The following ATP9B variants were observed in gnomAD, a reference collection of about 807,000 sequenced individuals.
ATP9B encodes the protein probable phospholipid-transporting ATPase IIB.
In ATP9B, 110 loss-of-function variants were observed where a neutral mutation model predicts 146.1. The ratio of observed to expected loss-of-function variants is 0.75; its 90% confidence interval spans 0.65 to 0.88. The LOEUF is 0.88. Ranked by LOEUF, ATP9B falls within the 40% of genes least tolerant of loss-of-function variation. ATP9B has a pLI of 0.00. For synonymous variants in ATP9B, 604 were observed against 569.7 expected (o/e 1.06, Z -0.86); for missense variants, 1,499 against 1,496.4 (o/e 1.00, Z -0.03).
chr18:79,356,438 T>C (rs2096953653), intron 25 of ATP9B, among the ~76,000 whole-genome samples: 1 of 152,206 alleles, frequency 6.6e-6, no homozygotes, highest in Non-Finnish European at 1.5e-5. Flanking sequence ...GTGCAGTGAA[T>C]ATTTACAGCA....
intron 1 of ATP9B, among the ~76,000 whole-genome samples, chr18:79,070,163 GC>G (rs2093308545): frequency 6.6e-6 from 1 of 152,166 alleles, no homozygotes; most frequent in African/African-American, 2.4e-5. Context: ...ATTGCATTTA[GC>G]TCATATTTAA....
In ATP9B at chr18:79,329,200, C is replaced by G. The variant is rs1206522931; in HGVS notation, c.1833C>G (p.Thr611=). 1 of 1,612,264 alleles carries G rather than the reference C, an allele frequency of 6.2e-7. No individual in the cohort carries two copies. Among genetic ancestry groups the G allele is most frequent in the Non-Finnish European group, 8.5e-7 (1 of 1,179,754 alleles). Residue 611 remains threonine, a synonymous_variant, in exon 16 of 30, where the codon ACC becomes ACG. Transcript: ENST00000426216. ...VGLTLVSRDL[T]SMQLKTPSGQ... The stretch of plus-strand genomic sequence containing the variant: ...TCACGCTGGTCAGCAGGGACCTCAC[C>G]TCCATGCAGCTGAAGACCCCCAGTG...
At chr18:79,279,472 G>C (rs947465088) in intron 13 of ATP9B, among the ~76,000 whole-genome samples, 1 of 152,166 alleles carries the variant, frequency 6.6e-6, no homozygotes, top group Admixed American at 6.5e-5. Flanking sequence ...CAACCGTACT[G>C]TTCCCAAAGA....
At chr18:79,124,836 TGGA>T (rs2147171975) in intron 4 of ATP9B, among the ~76,000 whole-genome samples, 1 of 152,154 alleles carries the variant, frequency 6.6e-6, no homozygotes, top group African/African-American at 2.4e-5. Flanking sequence ...AGTTAGCAGT[TGGA>T]GGAAGGAGCC....
chr18:79,312,273 A>G lies in ATP9B; in HGVS notation c.1773+5039A>G, dbSNP rs548938813. On this transcript the variant is annotated intron_variant, in intron 15 of 29. Transcript: ENST00000426216. The stretch of plus-strand genomic sequence containing the variant: ...TTCTATGGACTGGCATAAACGGATC[A>G]TTTACTTTTTCCTAAATGCAGTTAT... 3.2e-4 allele frequency among the ~76,000 whole-genome samples: 49 copies of G among 152,312 alleles called. No homozygotes were observed. In the South Asian group the frequency reaches 9.9e-3, roughly 31 times the overall value.
chr18:79,189,081 G>T (rs964900919), intron 8 of ATP9B, among the ~76,000 whole-genome samples: 3 of 152,048 alleles, frequency 2.0e-5, no homozygotes, highest in Admixed American at 1.3e-4. Context: ...AGGCACGGTG[G>T]ATCACGCCTG....
In ATP9B at chr18:79,377,719, A is replaced by G. The variant is rs1357382519; in HGVS notation, c.*336A>G. 1.4e-5 allele frequency: 4 copies of G among 282,302 alleles called. No homozygotes were observed. The highest frequency in any genetic ancestry group is 2.7e-5 in the Non-Finnish European group (4 of 146,262). The allele number at this position is 282,302 out of a possible 1,614,324, so 17.5% of individuals were successfully genotyped here. A position where few individuals can be genotyped will look rare whatever the true frequency, so the allele number is the denominator to read the frequency against. On this transcript the variant is annotated 3_prime_UTR_variant, in exon 30 of 30. Transcript: ENST00000426216. ...GACGTCACCCCTGCCAGGCAAGCCC[A>G]GGGCACAGAGGCCGGGACGGCCTCT...
intron 17 of ATP9B, among the ~76,000 whole-genome samples, chr18:79,334,649 C>G (rs1420348729): frequency 6.6e-6 from 1 of 152,154 alleles, no homozygotes; most frequent in African/African-American, 2.4e-5. Context: ...CACCCTCCAC[C>G]CCTGCCTCTT....
chr18:79,158,049 T>C (rs932638633), intron 7 of ATP9B, among the ~76,000 whole-genome samples: 17 of 152,146 alleles, frequency 1.1e-4, no homozygotes, highest in Non-Finnish European at 2.2e-4. Flanking sequence ...CTTCCACTTA[T>C]TTTCTGTTCA....
intron 19 of ATP9B, among the ~76,000 whole-genome samples, chr18:79,339,544 AGATCGCAGTAGGAAGTGTCAT>A (rs1213904387): frequency 2.5e-4 from 37 of 150,980 alleles, no homozygotes; most frequent in Middle Eastern, 3.3e-3. Context: ...ATCATATCTG[AGATCGCAGTAGGAAGTGTCAT>A]GATCGCAGTA....
chr18:79,211,843 A>G (rs932996735), intron 10 of ATP9B, among the ~76,000 whole-genome samples: 3 of 152,128 alleles, frequency 2.0e-5, no homozygotes, highest in African/African-American at 4.8e-5. Flanking sequence ...CTCCAGTTGG[A>G]GCGCGTTGTG....
chr18:79,286,707 G>C (rs2096446618), intron 13 of ATP9B, among the ~76,000 whole-genome samples: 1 of 152,064 alleles, frequency 6.6e-6, no homozygotes, highest in African/African-American at 2.4e-5. Flanking sequence ...AGTTTTCAAA[G>C]GGAATGCTTC....
At chr18:79,289,385 C>G (rs1199515635) in intron 13 of ATP9B, among the ~76,000 whole-genome samples, 1 of 152,118 alleles carries the variant, frequency 6.6e-6, no homozygotes, top group Non-Finnish European at 1.5e-5. Flanking sequence ...TCACTGATAC[C>G]CTTTCTTCCA....
chr18:79,214,036 A>G lies in ATP9B; in HGVS notation c.1105A>G (p.Lys369Glu). The change falls in exon 11 of 30, where the codon AAG becomes GAG. Residue 369 changes from lysine (K) to glutamate (E), a missense_variant and splice_region_variant. Physicochemically the swap from Lys to Glu is moderately conservative, Grantham distance 56. Coordinates refer to ENST00000426216, the MANE Select transcript of ATP9B (RefSeq NM_198531.5). ...AATGAACACATCCAATCCAAAAAAT[A>G]AGGTAGGCTAGATTGAGGAGCAACT... ...SVMNTSNPKN[K>E]VGLLDLELNR... 6.3e-7 allele frequency: 1 copy of G among 1,593,150 alleles called. No homozygotes were observed. Among genetic ancestry groups the G allele is most frequent in the Non-Finnish European group, 8.5e-7 (1 of 1,172,968 alleles).
chr18:79,267,175 A>G (rs2096211802), intron 12 of ATP9B, among the ~76,000 whole-genome samples: 1 of 152,072 alleles, frequency 6.6e-6, no homozygotes, highest in African/African-American at 2.4e-5. Context: ...TTCGTAATCA[A>G]GTATTTAAAT....
At chr18:79,151,733 T>C (rs948729637) in intron 6 of ATP9B, among the ~76,000 whole-genome samples, 5 of 152,202 alleles carry the variant, frequency 3.3e-5, no homozygotes, top group Non-Finnish European at 7.3e-5. Context: ...AAGTGTTTTT[T>C]TTTTTTTTTA....
chr18:79,344,134 C>G (rs2096873331), intron 20 of ATP9B, 131 bp from the exon 21 acceptor site: 2 of 845,714 alleles, frequency 2.4e-6, no homozygotes, highest in South Asian at 3.2e-5. Flanking sequence ...GGTCCAAATA[C>G]TAAAGCTCCT....
intron 11 of ATP9B, among the ~76,000 whole-genome samples, chr18:79,230,348 A>G (rs1349669034): frequency 6.6e-6 from 1 of 152,152 alleles, no homozygotes; most frequent in African/African-American, 2.4e-5. Flanking sequence ...TCCTAGAACT[A>G]GTGAATGAAT....
intron 9 of ATP9B, among the ~76,000 whole-genome samples, chr18:79,202,067 A>G (rs1332231943): frequency 6.6e-6 from 1 of 152,056 alleles, no homozygotes; most frequent in African/African-American, 2.4e-5. Flanking sequence ...TAAAATATAT[A>G]TATATACGGA....
Sources: gnomAD v4.1 joint callset for allele counts (sites outside exome capture counted in the v4.1 genomes callset) on GRCh38, gnomAD v4.1.1 for gene constraint, MANE v1.5 for transcripts, NCBI Gene and HGNC (gene_info 2026-07-23, HGNC 2026-07-21) for gene names.